The following RNF185 variants were observed in gnomAD, a reference collection of about 807,000 sequenced individuals.
RNF185 encodes ring finger protein 185.
A neutral mutation model predicts 24.9 loss-of-function variants in RNF185; 13 were observed. That is an observed-to-expected ratio of 0.52 (90% CI 0.34 to 0.83). The LOEUF is 0.83. Among genes scored for constraint, RNF185 ranks in the 40% least tolerant of loss-of-function variants. The pLI is 0.01. For synonymous variants in RNF185, 79 were observed against 90.3 expected, an observed-to-expected ratio of 0.88 and a Z score of 0.71; for missense variants, 184 against 244.7, an observed-to-expected ratio of 0.75 and a Z score of 1.65.
chr22:31,162,438 T>C (rs189622695), intron 1 of RNF185, among the ~76,000 whole-genome samples: 2 of 152,208 alleles, frequency 1.3e-5, no homozygotes, highest in African/African-American at 4.8e-5. Flanking sequence ...GAAGTGGCTC[T>C]GAAAAAAGGA....
chr22:31,190,547 A>G (rs2048146468), intron 2 of RNF185, among the ~76,000 whole-genome samples: 1 of 151,586 alleles, frequency 6.6e-6, no homozygotes, highest in Non-Finnish European at 1.5e-5. Context: ...TCAGCCTTCC[A>G]AAGTGCTGGG....
At chr22:31,184,674 G>T (rs1238190490) in intron 1 of RNF185, among the ~76,000 whole-genome samples, 1 of 152,336 alleles carries the variant, frequency 6.6e-6, no homozygotes, top group East Asian at 1.9e-4. Flanking sequence ...GGCACCTCGG[G>T]AGGCCGAGGC....
At chr22:31,190,443 C>A in intron 2 of RNF185, among the ~76,000 whole-genome samples, 1 of 152,070 alleles carries the variant, frequency 6.6e-6, no homozygotes, top group East Asian at 1.9e-4. Context: ...CGTGCCACCA[C>A]ACCTGACTAA....
At chr22:31,186,901 CTCTTG>C in intron 1 of RNF185, 141 bp from the exon 2 acceptor site, 1 of 618,836 alleles carries the variant, frequency 1.6e-6, no homozygotes, top group South Asian at 2.2e-5. Flanking sequence ...TGCCCTACAA[CTCTTG>C]TCTTCTGTAG....
At chr22:31,201,374 T>C in intron 5 of RNF185, 124 bp from the exon 6 acceptor site, 1 of 746,274 alleles carries the variant, frequency 1.3e-6, no homozygotes, top group East Asian at 2.5e-5. Flanking sequence ...TCGAAACATG[T>C]GGCACAAGGT....
intron 2 of RNF185, among the ~76,000 whole-genome samples, chr22:31,188,937 G>A (rs925958256): frequency 1.4e-3 from 200 of 147,898 alleles, no homozygotes; most frequent in African/African-American, 4.5e-3. Context: ...TGGCTAACAC[G>A]GTGAAACCCG....
chr22:31,192,510 C>G (rs900302872), intron 2 of RNF185, among the ~76,000 whole-genome samples, 174 bp from the exon 3 acceptor site: 2 of 151,988 alleles, frequency 1.3e-5, no homozygotes, highest in Non-Finnish European at 2.9e-5. Context: ...ATTTCCGATA[C>G]CAGTAATCCC....
intron 3 of RNF185, 43 bp downstream of exon 3, chr22:31,192,745 T>TGCAACCAGAGCTGA: frequency 6.3e-7 from 1 of 1,599,078 alleles, no homozygotes; most frequent in Non-Finnish European, 8.6e-7. Flanking sequence ...TCAGCTCTGG[T>TGCAACCAGAGCTGA]TGCACAAGAG....
intron 2 of RNF185, 141 bp downstream of exon 2, chr22:31,187,411 C>A: frequency 2.3e-6 from 2 of 862,016 alleles, no homozygotes; most frequent in Non-Finnish European, 3.6e-6. Flanking sequence ...GAGTTCCCAT[C>A]CCAGCTCTGC....
chr22:31,201,651 T>A (rs371474194), intron 6 of RNF185, 36 bp downstream of exon 6: 2 of 1,449,764 alleles, frequency 1.4e-6, no homozygotes, highest in East Asian at 4.5e-5. Flanking sequence ...TAGGAAGATA[T>A]CTTAGTAATA....
At chr22:31,176,767 C>T (rs764039038) in intron 1 of RNF185, among the ~76,000 whole-genome samples, 2 of 152,138 alleles carry the variant, frequency 1.3e-5, no homozygotes, top group African/African-American at 2.4e-5. Flanking sequence ...AGATTGCAGG[C>T]GTGAGCCACC....
At chr22:31,170,644 G>A (rs2047920064) in intron 1 of RNF185, among the ~76,000 whole-genome samples, 1 of 151,862 alleles carries the variant, frequency 6.6e-6, no homozygotes, top group African/African-American at 2.4e-5. Context: ...CCAAGTAACT[G>A]GGATTACAGA....
At chr22:31,187,602 C>G (rs993931886) in intron 2 of RNF185, among the ~76,000 whole-genome samples, 1 of 152,216 alleles carries the variant, frequency 6.6e-6, no homozygotes, top group Non-Finnish European at 1.5e-5. Context: ...GGGCTTCCTC[C>G]TTTTGAAGCT....
At chr22:31,180,911 CTCTCTGTGTGTGTGTG>C (rs1444954626) in intron 1 of RNF185, among the ~76,000 whole-genome samples, 3,142 of 124,524 alleles carry the variant, frequency 0.025, 52 homozygotes, top group Middle Eastern at 0.045. Context: ...TTTTCTCTCT[CTCTCTGTGTGTGTGTG>C]TGTGTGTGTG....
chr22:31,198,020 TA>T (rs1354393925), intron 5 of RNF185, among the ~76,000 whole-genome samples: 1 of 152,238 alleles, frequency 6.6e-6, no homozygotes, highest in Non-Finnish European at 1.5e-5. Flanking sequence ...AAAATTCTGT[TA>T]AAATGTTAAA....
At chr22:31,195,191 G>C (rs1233287952) in intron 3 of RNF185, among the ~76,000 whole-genome samples, 2 of 152,086 alleles carry the variant, frequency 1.3e-5, no homozygotes, top group Non-Finnish European at 2.9e-5. Flanking sequence ...GACCTCAGGT[G>C]ATCCACCCAC....
At chr22:31,178,813 A>G (rs1027661196) in intron 1 of RNF185, among the ~76,000 whole-genome samples, 1 of 152,348 alleles carries the variant, frequency 6.6e-6, no homozygotes, top group Admixed American at 6.5e-5. Context: ...ACTCATTTCA[A>G]ACAGCACAAA....
intron 1 of RNF185, among the ~76,000 whole-genome samples, chr22:31,162,951 A>T (rs984566488): frequency 1.1e-4 from 17 of 151,566 alleles, no homozygotes; most frequent in African/African-American, 4.1e-4. Flanking sequence ...TTTTTAGTAG[A>T]GGTAGGGTTT....
chr22:31,199,109 A>T (rs5753508), intron 5 of RNF185, among the ~76,000 whole-genome samples: 49,874 of 151,394 alleles, frequency 0.33, 10,271 homozygotes, highest in African/African-American at 0.57. Flanking sequence ...CAAAAAAAAA[A>T]AAAAAGAAAG....
Sources: allele counts gnomAD v4.1 joint callset (sites outside exome capture counted in the v4.1 genomes callset), GRCh38; gene constraint gnomAD v4.1.1; transcripts MANE v1.5; gene names NCBI Gene and HGNC (gene_info 2026-07-23, HGNC 2026-07-21).